TRIM62: variants seen among roughly 807,000 people sequenced by gnomAD.
TRIM62 encodes E3 ubiquitin-protein ligase TRIM62.
TRIM62 carries 39 observed loss-of-function variants against 44.2 expected under a neutral mutation model. That is an observed-to-expected ratio of 0.88 (90% confidence interval 0.68 to 1.15). The LOEUF is 1.15. Ranked by LOEUF, TRIM62 falls within the 50% of genes most tolerant of loss-of-function variation. The pLI, the probability that TRIM62 is intolerant of heterozygous loss-of-function variation, is 0.00. For synonymous variants in TRIM62, 278 were observed against 292.3 expected (o/e 0.95, Z 0.50); for missense variants, 544 against 665.5 (o/e 0.82, Z 2.01).
chr1:33,165,603 C>A lies in TRIM62; in HGVS notation c.409-37G>T. 1 of 1,548,646 alleles carries A rather than the reference C, an allele frequency of 6.5e-7. No homozygotes were observed. Among genetic ancestry groups the A allele is most frequent in the Non-Finnish European group, 8.8e-7 (1 of 1,139,290 alleles). On this transcript the variant is annotated intron_variant, in intron 1 of 4. Coordinates refer to ENST00000291416, the MANE Select transcript of TRIM62 (RefSeq NM_018207.3). The surrounding 1 kb of genome is among the most constrained non-coding windows in gnomAD (Gnocchi z 4.0). ...ACAGGGCCGGGATGGGGGCAGGGGC[C>A]ATGCCTGGCCCAGGCATTCAGCCCT...
intron 3 of TRIM62, among the ~76,000 whole-genome samples, chr1:33,158,686 G>A (rs1392769461): frequency 6.6e-6 from 1 of 152,186 alleles, no homozygotes; most frequent in African/African-American, 2.4e-5. Context: ...TTAGCAATCA[G>A]TATTGATCAC....
At chr1:33,157,049 C>T (rs1178149014) in intron 4 of TRIM62, among the ~76,000 whole-genome samples, 1 of 151,122 alleles carries the variant, frequency 6.6e-6, no homozygotes, top group Non-Finnish European at 1.5e-5. Context: ...GGTCTATTCT[C>T]AACCCACTAG....
Position 33,165,521 on chromosome 1 carries a change from C to T in TRIM62, c.454G>A (p.Glu152Lys), listed in dbSNP as rs774526188. The T allele has an allele frequency of 1.6e-5, 25 of 1,610,904 alleles. No individual in the cohort carries two copies. The Admixed American group carries it at 4.2e-4, about 27-fold the overall frequency. The stretch of plus-strand genomic sequence containing the variant: ...AGCAGCTGCAGCGCTTCGGTGTGTT[C>T]CCGCTCGCTGTCTTGAAGGGCCTGA... ...QLQALQDSER[E>K]HTEALQLLKR... is the part of the protein sequence containing the mutation. Residue 152 changes from glutamate to lysine, a missense_variant, in exon 2 of 5, where the codon GAA becomes AAA. Transcript: ENST00000291416. The surrounding 1 kb of genome is among the most constrained non-coding windows in gnomAD (Gnocchi z 4.0).
intron 1 of TRIM62, among the ~76,000 whole-genome samples, chr1:33,170,793 T>C (rs558383964): frequency 2.2e-4 from 33 of 152,306 alleles, no homozygotes; most frequent in African/African-American, 7.2e-4. Context: ...GACCCTAGGA[T>C]GTCACCTAAC....
chr1:33,170,425 T>C lies in TRIM62; in HGVS notation c.409-4859A>G, dbSNP rs569920924. On this transcript the variant is annotated intron_variant, in intron 1 of 4. Coordinates refer to ENST00000291416, the MANE Select transcript of TRIM62 (RefSeq NM_018207.3). ...AACAACAAAAATCTCCCCCACTAGA[T>C]TATGGGCTCTTGAGGGCAAGGACTG... is the stretch of plus-strand genomic sequence containing the variant. 5.7e-4 allele frequency among the ~76,000 whole-genome samples: 86 copies of C among 151,866 alleles called. 1 individual carries two copies. The highest frequency in any genetic ancestry group is 2.0e-3 in the African/African-American group (81 of 41,424).
intron 2 of TRIM62, among the ~76,000 whole-genome samples, chr1:33,162,455 A>G (rs907573333): frequency 6.6e-6 from 1 of 152,090 alleles, no homozygotes; most frequent in Admixed American, 6.5e-5. Context: ...ATTGTCCCAC[A>G]TTTTCTGTCT....
intron 1 of TRIM62, among the ~76,000 whole-genome samples, chr1:33,169,725 TA>T (rs1468700270): frequency 1.3e-5 from 2 of 152,130 alleles, no homozygotes; most frequent in Non-Finnish European, 2.9e-5. Context: ...TAAAATGAAA[TA>T]AAATGGAAAA....
At position 33,181,659 on chromosome 1, in the gene TRIM62, G is replaced by A. The variant is rs1311102362; in HGVS notation, c.-227C>T. 8.2e-6 allele frequency: 6 copies of A among 729,142 alleles called. No individual in the cohort carries two copies. Among genetic ancestry groups the A allele is most frequent in the Non-Finnish European group, 1.3e-5 (6 of 473,158 alleles). 45.2% of individuals were successfully genotyped at this position (729,142 alleles called of 1,614,324 possible). A position where few individuals can be genotyped will look rare whatever the true frequency, so the allele number is the denominator to read the frequency against. ...CGCCAGCCCGGGAGGGCAGTCTAGA[G>A]GTAGTGGGCAGCTCAAGGCGATGGG... On this transcript the variant is annotated 5_prime_UTR_variant, in exon 1 of 5. Transcript: ENST00000291416. This position sits in a 1 kb window ranked among gnomAD's most constrained non-coding sequence, Gnocchi z 6.5.
chr1:33,171,938 C>T (rs1172901757), intron 1 of TRIM62, among the ~76,000 whole-genome samples: 4 of 152,076 alleles, frequency 2.6e-5, no homozygotes, highest in Admixed American at 6.5e-5. Flanking sequence ...CCCGACACCA[C>T]GCCTGGCTAA....
chr1:33,176,533 G>C lies in TRIM62; in HGVS notation c.408+4492C>G, dbSNP rs3766817. 6.8e-3 allele frequency: 4,396 copies of C among 643,628 alleles called. 214 individuals carry two copies. In the East Asian group the frequency reaches 0.11, roughly 16 times the overall value. 39.9% of individuals were successfully genotyped at this position (643,628 alleles called of 1,614,324 possible). ...GAGACTGAATCGGATCCCCTCTCTG[G>C]GGGTTAGGAACCTGAGACGGCCAGA... On this transcript the variant is annotated intron_variant, in intron 1 of 4. Coordinates refer to ENST00000291416, the MANE Select transcript of TRIM62 (RefSeq NM_018207.3).
chr1:33,158,927 G>C (rs936098572), intron 3 of TRIM62, among the ~76,000 whole-genome samples: 177 of 151,662 alleles, frequency 1.2e-3, no homozygotes, highest in African/African-American at 4.1e-3. Context: ...TGCAACCTCT[G>C]CCTCCTGGGT....
At position 33,146,233 on chromosome 1, in the gene TRIM62, C is replaced by T. The variant is rs1161964894; in HGVS notation, c.*944G>A. ...CTAATTAAACCAGCTACAAGTGGCTCTTGTTTTCTGCAGCAGGATCCTAAC... is the reference window on the plus strand; with the variant it reads ...CTAATTAAACCAGCTACAAGTGGCTTTTGTTTTCTGCAGCAGGATCCTAAC... On this transcript the variant is annotated 3_prime_UTR_variant, in exon 5 of 5. Coordinates refer to ENST00000291416, the MANE Select transcript of TRIM62 (RefSeq NM_018207.3). 4.5e-6 allele frequency: 1 copy of T among 222,770 alleles called. No individual in the cohort carries two copies. Among genetic ancestry groups the T allele is most frequent in the Non-Finnish European group, 9.1e-6 (1 of 110,218 alleles). The allele number at this position is 222,770 out of a possible 1,614,324, so 13.8% of individuals were successfully genotyped here.
intron 4 of TRIM62, among the ~76,000 whole-genome samples, chr1:33,156,443 C>G (rs531333169): frequency 2.6e-5 from 4 of 152,192 alleles, no homozygotes; most frequent in Non-Finnish European, 5.9e-5. Flanking sequence ...GGCTCAGCAG[C>G]CTTTGTCACT....
chr1:33,174,961 A>G (rs1049533034), intron 1 of TRIM62, among the ~76,000 whole-genome samples: 6 of 144,066 alleles, frequency 4.2e-5, no homozygotes, highest in African/African-American at 1.7e-4. Context: ...ATATATATAT[A>G]TATATATACA....
At position 33,147,567 on chromosome 1, in the gene TRIM62, G is replaced by A; in HGVS notation, c.1038C>T (p.Phe346=). The change falls in exon 5 of 5, where the codon TTC becomes TTT. Residue 346 remains phenylalanine, a synonymous_variant. Transcript: ENST00000291416. This position sits in a 1 kb window ranked among gnomAD's most constrained non-coding sequence, Gnocchi z 8.1. ...CCTCCCAGTAGTGGACGCCACTACT[G>A]AAGGCTTCAGAACCCAGCACCGACA... ...VEVSVLGSEA[F]SSGVHYWEVV... 9 of 1,613,914 alleles carry A rather than the reference G, an allele frequency of 5.6e-6. No homozygotes were observed. Among genetic ancestry groups the A allele is most frequent in the Non-Finnish European group, 7.6e-6 (9 of 1,179,998 alleles).
Position 33,159,640 on chromosome 1 carries a change from C to T in TRIM62, c.761+48G>A, listed in dbSNP as rs4045807. On this transcript the variant is annotated intron_variant, in intron 3 of 4. Transcript: ENST00000291416. This position sits in a 1 kb window ranked among gnomAD's most constrained non-coding sequence, Gnocchi z 4.2. The stretch of plus-strand genomic sequence containing the variant: ...TCCACTCCCACTGCCCAGCATGGGT[C>T]GAGGAGGGGATGGTCAGCCGGGGAG... 1.8e-4 allele frequency: 285 copies of T among 1,572,444 alleles called. No individual in the cohort carries two copies. The highest frequency in any genetic ancestry group is 1.5e-4 in the Admixed American group (9 of 58,700).
rs1432656001 is a variant in TRIM62 at position 33,177,064 on chromosome 1, CAT to C, written c.408+3959_408+3960del. 8.2e-4 allele frequency among the ~76,000 whole-genome samples: 53 copies of C among 64,284 alleles called. No homozygotes were observed. Among genetic ancestry groups the C allele is most frequent in the South Asian group, 9.0e-4 (2 of 2,226 alleles). The allele number at this position is 64,284 out of a possible 152,430, so 42.2% of individuals were successfully genotyped here. A position where few individuals can be genotyped will look rare whatever the true frequency, so the allele number is the denominator to read the frequency against. ...GCACACACACACGCACACACACACA[CAT>C]GCACACACACACATGCATGCACAAA... On this transcript the variant is annotated intron_variant, in intron 1 of 4. Transcript: ENST00000291416. This position sits in a 1 kb window ranked among gnomAD's most constrained non-coding sequence, Gnocchi z 4.1.
chr1:33,181,530 C>A lies in TRIM62; in HGVS notation c.-98G>T. On this transcript the variant is annotated 5_prime_UTR_variant, in exon 1 of 5. Transcript: ENST00000291416. This position sits in a 1 kb window ranked among gnomAD's most constrained non-coding sequence, Gnocchi z 6.5. The stretch of plus-strand genomic sequence containing the variant: ...CAGCACCGAGGGCTGGGCGCGGGGA[C>A]GAGGCCCGCACAGGCAGGGGTAGGA... 6.9e-7 allele frequency: 1 copy of A among 1,448,352 alleles called. No homozygotes were observed. The highest frequency in any genetic ancestry group is 9.0e-7 in the Non-Finnish European group (1 of 1,110,420). 89.7% of individuals were successfully genotyped at this position (1,448,352 alleles called of 1,614,324 possible).
At chr1:33,166,891 GT>G (rs1209542381) in intron 1 of TRIM62, among the ~76,000 whole-genome samples, 1 of 152,096 alleles carries the variant, frequency 6.6e-6, no homozygotes, top group East Asian at 1.9e-4. Context: ...TTCATCGTGG[GT>G]TTTTTGCATT....
Sources: gnomAD v4.1 joint callset for allele counts (sites outside exome capture counted in the v4.1 genomes callset) on GRCh38, gnomAD v4.1.1 for gene constraint, Gnocchi (gnomAD v3.1) non-coding constraint, MANE v1.5 for transcripts, NCBI Gene and HGNC (gene_info 2026-07-23, HGNC 2026-07-21) for gene names.